CDC42BPB: variants seen among roughly 807,000 people sequenced by gnomAD.
CDC42BPB encodes CDC42 binding protein kinase beta.
A neutral mutation model predicts 214.9 loss-of-function variants in CDC42BPB; 37 were observed. That is an observed-to-expected ratio of 0.17 (90% confidence interval 0.13 to 0.23). The LOEUF (loss-of-function observed/expected upper bound fraction) is 0.23. Ranked by LOEUF, CDC42BPB falls within the 10% of genes least tolerant of loss-of-function variation. The probability of loss-of-function intolerance (pLI) is 1.00; values close to 1 mark genes in which losing one functional copy is unlikely to be tolerated. For synonymous variants in CDC42BPB, 931 were observed against 884.0 expected, an observed-to-expected ratio of 1.05 and a Z score of -0.94; for missense variants, 1,694 against 2,227.0, an observed-to-expected ratio of 0.76 and a Z score of 4.82.
chr14:102,977,411 C>G (rs1398317830), intron 9 of CDC42BPB, among the ~76,000 whole-genome samples: 1 of 151,500 alleles, frequency 6.6e-6, no homozygotes, highest in African/African-American at 2.4e-5. Context: ...GTGGTTCCAG[C>G]TGCCAGAGGA....
At chr14:102,964,899 T>G in intron 18 of CDC42BPB, 2 of 443,514 alleles carry the variant, frequency 4.5e-6, no homozygotes, top group Non-Finnish European at 6.0e-6. Context: ...AAAGTGATTC[T>G]GTAGTGCAAT....
At chr14:102,952,739 C>T in intron 23 of CDC42BPB, 136 bp from the exon 24 acceptor site, 2 of 1,461,334 alleles carry the variant, frequency 1.4e-6, no homozygotes, top group Non-Finnish European at 1.8e-6. Flanking sequence ...TGGTCTTGGT[C>T]TACGTGTTCC....
At chr14:102,954,774 A>G in intron 21 of CDC42BPB, 86 bp from the exon 22 acceptor site, 1 of 1,519,450 alleles carries the variant, frequency 6.6e-7, no homozygotes, top group Admixed American at 2.0e-5. Flanking sequence ...TACTAATAAA[A>G]GCAGATTCTG....
intron 1 of CDC42BPB, among the ~76,000 whole-genome samples, chr14:103,047,061 G>A (rs964602046): frequency 2.6e-5 from 4 of 151,660 alleles, no homozygotes; most frequent in African/African-American, 4.8e-5. Context: ...CAAGGCGGGT[G>A]GATCACGAGG....
chr14:102,980,271 G>C (rs34134961), intron 8 of CDC42BPB, among the ~76,000 whole-genome samples: 1 of 152,212 alleles, frequency 6.6e-6, no homozygotes. Flanking sequence ...GAGGTGGGCG[G>C]ATCATGTGGT....
chr14:103,005,742 C>T (rs1895207579), intron 3 of CDC42BPB, among the ~76,000 whole-genome samples: 1 of 152,084 alleles, frequency 6.6e-6, no homozygotes, highest in Non-Finnish European at 1.5e-5. Flanking sequence ...AAATGGTTGG[C>T]TGCACACGGT....
intron 36 of CDC42BPB, among the ~76,000 whole-genome samples, chr14:102,935,561 G>T (rs111893001): frequency 2.6e-5 from 4 of 152,072 alleles, no homozygotes; most frequent in African/African-American, 4.8e-5. Context: ...AGGCCAAGGC[G>T]GGCAGATCAC....
At chr14:102,934,090 A>C in intron 36 of CDC42BPB, 1 of 1,172,950 alleles carries the variant, frequency 8.5e-7, no homozygotes, top group Non-Finnish European at 1.1e-6. Flanking sequence ...AAAGACAGCA[A>C]CTCTGTAGTG....
chr14:103,048,662 C>T (rs1293409657), intron 1 of CDC42BPB, among the ~76,000 whole-genome samples: 7 of 148,728 alleles, frequency 4.7e-5, no homozygotes, highest in Non-Finnish European at 8.9e-5. Context: ...GAGCCGAGAT[C>T]GGGCCACTGC....
rs989708532 is a variant in CDC42BPB, at chr14:102,950,880, C to T, written c.3173-278G>A. Reference sequence around the variant, plus strand: ...ACTCGGGAGGCTGAGGCAGAAGAATCGCTTGAGCCCGGGAGGCGGAGGTTG... The same window carrying T: ...ACTCGGGAGGCTGAGGCAGAAGAATTGCTTGAGCCCGGGAGGCGGAGGTTG... On this transcript the variant is annotated intron_variant, in intron 24 of 36. Coordinates refer to ENST00000361246, the MANE Select transcript of CDC42BPB (RefSeq NM_006035.4). 23 of 163,054 alleles carry T rather than the reference C, an allele frequency of 1.4e-4. No individual in the cohort carries two copies. In the East Asian group the frequency reaches 4.0e-3, roughly 28 times the overall value. 10.1% of individuals were successfully genotyped at this position (163,054 alleles called of 1,614,324 possible).
At chr14:102,986,683 T>C (rs1894260410) in intron 5 of CDC42BPB, 103 bp from the exon 6 acceptor site, 1 of 1,477,858 alleles carries the variant, frequency 6.8e-7, no homozygotes, top group Non-Finnish European at 9.0e-7. Flanking sequence ...GCTAATATCC[T>C]CTTGTGAACA....
chr14:103,042,968 C>T (rs1033668652), intron 1 of CDC42BPB, among the ~76,000 whole-genome samples: 15 of 152,054 alleles, frequency 9.9e-5, no homozygotes, highest in South Asian at 2.1e-4. Flanking sequence ...AAAACTTGTA[C>T]ATTAATGTTC....
Position 102,938,357 on chromosome 14 carries a change from C to G in CDC42BPB, c.4882G>C (p.Ala1628Pro). The change falls in exon 35 of 37, where the codon GCT (alanine) becomes CCT (proline). Residue 1628 changes from alanine (A) to proline (P), a missense_variant. Transcript: ENST00000361246. ...ERPGPAPTNL[A>P]RQPPSRNKPY... ...TTGTTCCTGGATGGAGGCTGGCGAG[C>G]CAGGTTGGTGGGAGCGGGGCCCGGC... The G allele has an allele frequency of 6.3e-7, 1 of 1,593,576 alleles. No individual in the cohort carries two copies.
At chr14:103,050,358 C>G (rs1888531537) in intron 1 of CDC42BPB, among the ~76,000 whole-genome samples, 2 of 152,212 alleles carry the variant, frequency 1.3e-5, no homozygotes, top group Non-Finnish European at 2.9e-5. Flanking sequence ...GACAGAAATG[C>G]TGGTTAGAGG....
At chr14:103,039,430 T>C (rs1887859019) in intron 1 of CDC42BPB, among the ~76,000 whole-genome samples, 1 of 151,762 alleles carries the variant, frequency 6.6e-6, no homozygotes, top group Non-Finnish European at 1.5e-5. Context: ...TTATATACCA[T>C]GATCAAGTGG....
chr14:103,023,060 A>G (rs1373473018), intron 1 of CDC42BPB, among the ~76,000 whole-genome samples: 3 of 150,572 alleles, frequency 2.0e-5, no homozygotes, highest in African/African-American at 7.3e-5. Context: ...GGAGAGCAGC[A>G]GTGGCGTGAT....
chr14:103,017,049 C>T (rs138371542), intron 1 of CDC42BPB, among the ~76,000 whole-genome samples: 33 of 152,250 alleles, frequency 2.2e-4, no homozygotes, highest in African/African-American at 5.8e-4. Flanking sequence ...GGGCTGGGTG[C>T]GGTGGCTCAT....
chr14:102,944,190 A>G lies in CDC42BPB; in HGVS notation c.4109T>C (p.Ile1370Thr). ...GCACTGCACGCTGCCGGGAGCCACA[A>G]TCTCATTGAACTTTCTGTGGAATGG... ...TKPFHRKFNE[I>T]VAPGSVQCLA... The change falls in exon 30 of 37, where the codon ATT (isoleucine) becomes ACT (threonine). Residue 1370 changes from isoleucine to threonine, a missense_variant. Ile to Thr is a moderately conservative substitution (Grantham distance 89). This residue lies in a region of CDC42BPB where 567 missense variants were observed against 790.3 expected (regional missense o/e 0.72). Coordinates refer to ENST00000361246, the MANE Select transcript of CDC42BPB (RefSeq NM_006035.4). This position sits in a 1 kb window ranked among gnomAD's most constrained non-coding sequence, Gnocchi z 6.6. 2 of 1,613,320 alleles carry G rather than the reference A, an allele frequency of 1.2e-6. No homozygotes were observed. The highest frequency in any genetic ancestry group is 1.7e-6 in the Non-Finnish European group (2 of 1,180,032).
intron 1 of CDC42BPB, among the ~76,000 whole-genome samples, chr14:103,043,816 C>T (rs1566924083): frequency 7.5e-6 from 1 of 132,480 alleles, no homozygotes; most frequent in Non-Finnish European, 1.5e-5. Flanking sequence ...GTTTAAAACT[C>T]CTCCTAACAT....
Sources: allele counts gnomAD v4.1 joint callset (sites outside exome capture counted in the v4.1 genomes callset), GRCh38; gene constraint gnomAD v4.1.1; regional missense constraint gnomAD v4.1.1; non-coding constraint Gnocchi (gnomAD v3.1); transcripts MANE v1.5; gene names NCBI Gene and HGNC (gene_info 2026-07-23, HGNC 2026-07-21).